Variants in ARL17A observed in about 807,000 individuals in gnomAD.
ARL17A encodes ADP-ribosylation factor-like 17-like.
chr17:46,541,315 GA>G lies in ARL17A; in HGVS notation c.260-2890del, dbSNP rs1480161876. ...CGCCCAGGCTGCAGTGCAGCGGCAT[GA>G]CCTAGGCTCACTGCAACCTCCACCT... On this transcript the variant is annotated intron_variant, in intron 3 of 4. Coordinates refer to the ARL17A transcript ENST00000329240. Among the ~76,000 whole-genome samples the G allele has an allele frequency of 6.5e-4, 97 of 150,020 alleles. 1 individual carries two copies. Among genetic ancestry groups the G allele is most frequent in the African/African-American group, 2.3e-3 (92 of 39,626 alleles).
chr17:46,543,775 T>A (rs1291277667), intron 3 of ARL17A, among the ~76,000 whole-genome samples: 1 of 151,114 alleles, frequency 6.6e-6, no homozygotes, highest in Non-Finnish European at 1.5e-5. Context: ...CCAGCCATCC[T>A]AAGGCTTAAA....
exon 4 of ARL17A, chr17:46,517,195 A>G (rs1278972782): frequency 1.2e-6 from 1 of 801,840 alleles, no homozygotes. Flanking sequence ...ACCCCGCATA[A>G]TTTCTTGATG....
At chr17:46,528,764 A>T (rs2053179416) in exon 5 of ARL17A, 1 of 668,048 alleles carries the variant, frequency 1.5e-6, no homozygotes, top group African/African-American at 2.0e-5. Context: ...ACCATTTCAG[A>T]TTCTCTAGAT....
At chr17:46,532,098 C>G (rs538990914) in intron 4 of ARL17A, among the ~76,000 whole-genome samples, 1 of 150,472 alleles carries the variant, frequency 6.6e-6, no homozygotes, top group Admixed American at 6.6e-5. Flanking sequence ...GGGGTTTCAG[C>G]ACGTTTATCA....
chr17:46,543,228 C>T, intron 3 of ARL17A, among the ~76,000 whole-genome samples: 1 of 150,566 alleles, frequency 6.6e-6, no homozygotes, highest in East Asian at 1.9e-4. Context: ...GGAGTTTACA[C>T]ATTTATGTAC....
chr17:46,526,523 G>T (rs1383470501), downstream of ARL17A, among the ~76,000 whole-genome samples: 1 of 104,710 alleles, frequency 9.6e-6, no homozygotes, highest in Non-Finnish European at 2.1e-5. Flanking sequence ...TTTTTTTAAT[G>T]TTTTTACTAG....
intron 3 of ARL17A, among the ~76,000 whole-genome samples, chr17:46,543,971 G>C (rs897711481): frequency 7.4e-6 from 1 of 135,598 alleles, no homozygotes; most frequent in Non-Finnish European, 1.5e-5. Context: ...ACAAAAATTA[G>C]CCAGGTGTGG....
At chr17:46,542,548 A>G (rs1206847237) in intron 3 of ARL17A, among the ~76,000 whole-genome samples, 1 of 148,508 alleles carries the variant, frequency 6.7e-6, no homozygotes, top group Non-Finnish European at 1.5e-5. Context: ...TATATAAATC[A>G]GCCAGGTGTG....
chr17:46,516,282 G>A (rs1384330070), downstream of ARL17A, among the ~76,000 whole-genome samples: 17 of 113,274 alleles, frequency 1.5e-4, no homozygotes, highest in South Asian at 2.8e-4. Context: ...CAGCCTGGGC[G>A]ACAGAGCAAG....
the ARL17A span, among the ~76,000 whole-genome samples, chr17:46,506,343 C>CA: frequency 1.4e-5 from 1 of 73,258 alleles, no homozygotes; most frequent in East Asian, 4.1e-4. Flanking sequence ...TTTTTTGAGA[C>CA]AGAGTCTTGC....
At chr17:46,548,901 C>G (rs748274115), downstream of ARL17A, 7 of 1,612,538 alleles carry the variant, frequency 4.3e-6, no homozygotes, top group Admixed American at 3.3e-5. Flanking sequence ...TCTCCAAGGG[C>G]GCGCCTTCTA....
chr17:46,545,358 G>A (rs1206214905), intron 3 of ARL17A, among the ~76,000 whole-genome samples: 1 of 139,428 alleles, frequency 7.2e-6, no homozygotes, highest in Non-Finnish European at 1.5e-5. Context: ...GGCTGAATTT[G>A]GAGGATCCCT....
chr17:46,539,318 A>G (rs2054837088), intron 3 of ARL17A, among the ~76,000 whole-genome samples: 1 of 119,740 alleles, frequency 8.4e-6, no homozygotes. Context: ...AAAGGCTGTG[A>G]TGTCATACAA....
chr17:46,548,336 C>T, downstream of ARL17A: 3 of 487,802 alleles, frequency 6.2e-6, no homozygotes, highest in Non-Finnish European at 6.5e-6. Flanking sequence ...GTAGGGAATC[C>T]AGAAGGAGCG....
At chr17:46,534,398 T>C (rs1184675442) in intron 4 of ARL17A, among the ~76,000 whole-genome samples, 1 of 147,036 alleles carries the variant, frequency 6.8e-6, no homozygotes, top group Non-Finnish European at 1.5e-5. Flanking sequence ...TGGTGATGAC[T>C]CTTAACGAGC....
At chr17:46,534,733 G>T (rs1357702138) in intron 4 of ARL17A, among the ~76,000 whole-genome samples, 1 of 149,846 alleles carries the variant, frequency 6.7e-6, no homozygotes, top group Non-Finnish European at 1.5e-5. Flanking sequence ...ACGGGGTGGC[G>T]GCCGGGCAGA....
rs2056995738 is a variant in ARL17A, at chr17:46,553,310, A to G, written c.*4046T>C. On this transcript the variant is annotated 3_prime_UTR_variant, in exon 4 of 4. Transcript: ENST00000336125. Reference sequence around the variant, plus strand: ...AAAAAGTTACCTCATCAGGTAGATGAGACTTATAATGAATAAAAGGAATCA... The same window carrying G: ...AAAAAGTTACCTCATCAGGTAGATGGGACTTATAATGAATAAAAGGAATCA... 1 of 1,600,340 alleles carries G rather than the reference A, an allele frequency of 6.2e-7. No homozygotes were observed. Among genetic ancestry groups the G allele is most frequent in the African/African-American group, 1.4e-5 (1 of 70,766 alleles).
downstream of ARL17A, among the ~76,000 whole-genome samples, chr17:46,525,763 G>A (rs2052663787): frequency 1.1e-5 from 1 of 89,874 alleles, no homozygotes. Context: ...TTTGTGCCAG[G>A]TACTGTACTA....
At chr17:46,539,525 G>T (rs2054882810) in intron 3 of ARL17A, among the ~76,000 whole-genome samples, 1 of 150,824 alleles carries the variant, frequency 6.6e-6, no homozygotes, top group African/African-American at 2.5e-5. Flanking sequence ...CAGTTTGGGA[G>T]GCTGAGGCAG....
Sources: gnomAD v4.1 joint callset for allele counts (sites outside exome capture counted in the v4.1 genomes callset) on GRCh38, gnomAD v4.1.1 for gene constraint, MANE v1.5 for transcripts, NCBI Gene and HGNC (gene_info 2026-07-23, HGNC 2026-07-21) for gene names.